The following CPXM2 variants were observed in gnomAD, a reference collection of about 807,000 sequenced individuals.
CPXM2 encodes inactive carboxypeptidase-like protein X2.
A neutral mutation model predicts 86.1 loss-of-function variants in CPXM2; 66 were observed. The ratio of observed to expected loss-of-function variants is 0.77; its 90% confidence interval spans 0.63 to 0.94. CPXM2 has a LOEUF of 0.94. CPXM2 is among the 40% of genes least tolerant of loss of function. The probability of loss-of-function intolerance (pLI) is 0.00; values close to 1 mark genes in which losing one functional copy is unlikely to be tolerated. For synonymous variants in CPXM2, 388 were observed against 400.2 expected (o/e 0.97, Z 0.36); for missense variants, 948 against 1,026.3 (o/e 0.92, Z 1.04).
At chr10:123,852,706 G>T (rs1024179789) in intron 3 of CPXM2, among the ~76,000 whole-genome samples, 7 of 152,056 alleles carry the variant, frequency 4.6e-5, no homozygotes, top group Admixed American at 6.5e-5. Flanking sequence ...ACCTCCTGCT[G>T]CCCCTTGGCT....
intron 2 of CPXM2, among the ~76,000 whole-genome samples, chr10:123,901,165 G>A (rs964626518): frequency 1.3e-5 from 2 of 152,164 alleles, no homozygotes; most frequent in African/African-American, 2.4e-5. Context: ...GCAATTACCT[G>A]AGATCATAAT....
At chr10:123,788,115 T>C (rs374474984) in intron 6 of CPXM2, among the ~76,000 whole-genome samples, 1 of 151,438 alleles carries the variant, frequency 6.6e-6, no homozygotes, top group Non-Finnish European at 1.5e-5. Context: ...TCCCGGTCTC[T>C]ACTAAAAATA....
At chr10:123,759,300 C>G (rs1846281939) in intron 11 of CPXM2, among the ~76,000 whole-genome samples, 1 of 152,174 alleles carries the variant, frequency 6.6e-6, no homozygotes, top group South Asian at 2.1e-4. Flanking sequence ...GAACACCTGT[C>G]TACAGAGAAA....
chr10:123,808,990 T>C (rs1847636357), intron 4 of CPXM2, among the ~76,000 whole-genome samples: 2 of 144,098 alleles, frequency 1.4e-5, no homozygotes, highest in Non-Finnish European at 1.5e-5. Flanking sequence ...AAACGAACAA[T>C]TCACAAGTTT....
intron 10 of CPXM2, among the ~76,000 whole-genome samples, 189 bp from the exon 11 acceptor site, chr10:123,762,358 C>A (rs1846367153): frequency 6.6e-6 from 1 of 152,260 alleles, no homozygotes; most frequent in African/African-American, 2.4e-5. Context: ...TCAAAACGAA[C>A]AGGCTTTGTT....
chr10:123,920,939 C>G (rs7083857), intron 2 of CPXM2, among the ~76,000 whole-genome samples: 12,758 of 152,188 alleles, frequency 0.084, 623 homozygotes, highest in Admixed American at 0.1. Context: ...TGCTGGTGCC[C>G]TATTCTTGGA....
intron 2 of CPXM2, among the ~76,000 whole-genome samples, chr10:123,922,981 C>A (rs541343256): frequency 6.6e-6 from 1 of 152,132 alleles, no homozygotes; most frequent in South Asian, 2.1e-4. Context: ...AGCTTGAGGC[C>A]GTCCCATGCA....
chr10:123,884,714 A>ATC (rs147600222), intron 1 of CPXM2, among the ~76,000 whole-genome samples: 5,988 of 151,818 alleles, frequency 0.039, 172 homozygotes, highest in East Asian at 0.12. Context: ...CCCATGGCCC[A>ATC]TCTCTCTCTC....
At chr10:123,879,110 A>G (rs575005914) in intron 2 of CPXM2, among the ~76,000 whole-genome samples, 2 of 152,320 alleles carry the variant, frequency 1.3e-5, no homozygotes, top group East Asian at 1.9e-4. Context: ...TGACCACAGA[A>G]GGTCACTGTT....
At chr10:123,829,785 A>G (rs574083434) in intron 4 of CPXM2, among the ~76,000 whole-genome samples, 1 of 152,326 alleles carries the variant, frequency 6.6e-6, no homozygotes, top group African/African-American at 2.4e-5. Context: ...TATAATAACC[A>G]CAGCCATGTA....
intron 6 of CPXM2, among the ~76,000 whole-genome samples, chr10:123,794,928 C>G (rs960109052): frequency 6.6e-6 from 1 of 152,086 alleles, no homozygotes; most frequent in Non-Finnish European, 1.5e-5. Context: ...CGCCACCATG[C>G]CTGGATAATT....
chr10:123,889,496 C>T (rs1226799830), intron 1 of CPXM2, among the ~76,000 whole-genome samples: 3 of 152,128 alleles, frequency 2.0e-5, no homozygotes, highest in South Asian at 2.1e-4. Flanking sequence ...GGAAGAGGAA[C>T]GTCTTGCTCT....
chr10:123,899,460 G>C lies in CPXM2; in HGVS notation n.175-19151C>G, dbSNP rs545372936. Among the ~76,000 whole-genome samples the C allele has an allele frequency of 1.4e-3, 210 of 152,364 alleles. 1 individual carries two copies. Among genetic ancestry groups the C allele is most frequent in the African/African-American group, 4.7e-3 (195 of 41,590 alleles). ...AAGCAGTTCATAATATACAGCATCT[G>C]TTTAAAGATGTCCTGAACAATGGAA... On this transcript the variant is annotated intron_variant and non_coding_transcript_variant, in intron 2 of 19. Coordinates refer to the CPXM2 transcript ENST00000368854.
At position 123,754,833 on chromosome 10, in the gene CPXM2, G is replaced by T; in HGVS notation, c.1918-71C>A. ...TGGACACAACCGGCACAACAGAGTG[G>T]GCTGTCAACCCACCATTGGCCGGTT... On this transcript the variant is annotated intron_variant, in intron 12 of 13. Coordinates refer to ENST00000241305, the MANE Select transcript of CPXM2 (RefSeq NM_198148.3). The surrounding 1 kb of genome is among the most constrained non-coding windows in gnomAD (Gnocchi z 4.0). 1.2e-6 allele frequency: 1 copy of T among 856,480 alleles called. No individual in the cohort carries two copies. The highest frequency in any genetic ancestry group is 2.0e-6 in the Non-Finnish European group (1 of 495,850). The allele number at this position is 856,480 out of a possible 1,614,324, so 53.1% of individuals were successfully genotyped here. A position where few individuals can be genotyped will look rare whatever the true frequency, so the allele number is the denominator to read the frequency against.
At chr10:123,838,771 T>C (rs1848325648) in intron 4 of CPXM2, among the ~76,000 whole-genome samples, 2 of 152,186 alleles carry the variant, frequency 1.3e-5, no homozygotes, top group Non-Finnish European at 2.9e-5. Context: ...CACTTCTGCC[T>C]GCGACCCTGC....
chr10:123,873,386 T>C (rs1451699018), intron 2 of CPXM2, among the ~76,000 whole-genome samples: 1 of 152,236 alleles, frequency 6.6e-6, no homozygotes, highest in East Asian at 1.9e-4. Flanking sequence ...AGTGGAGAGA[T>C]ATACCATGTT....
intron 2 of CPXM2, among the ~76,000 whole-genome samples, chr10:123,933,704 C>T (rs569864245): frequency 1.6e-4 from 24 of 151,532 alleles, no homozygotes; most frequent in Non-Finnish European, 2.4e-4. Context: ...GGCAACAGAG[C>T]GAGACCATGT....
At chr10:123,914,478 T>C (rs535706489) in intron 2 of CPXM2, among the ~76,000 whole-genome samples, 110 of 152,292 alleles carry the variant, frequency 7.2e-4, no homozygotes, top group African/African-American at 2.5e-3. Flanking sequence ...TCCAGGTCTG[T>C]GTGACTGACA....
Position 123,746,603 on chromosome 10 carries a change from C to T in CPXM2, c.*161G>A, listed in dbSNP as rs1845975218. The T allele has an allele frequency of 1.5e-6, 1 of 675,946 alleles. No homozygotes were observed. Among genetic ancestry groups the T allele is most frequent in the South Asian group, 1.9e-5 (1 of 52,764 alleles). 41.9% of individuals were successfully genotyped at this position (675,946 alleles called of 1,614,324 possible). ...AACAAAGAAAAGAAAACAGCCTCAG[C>T]CTCCAGCCTTCCCTTTTGGGACCTG... On this transcript the variant is annotated 3_prime_UTR_variant, in exon 14 of 14. Coordinates refer to ENST00000241305, the MANE Select transcript of CPXM2 (RefSeq NM_198148.3).
Sources: gnomAD v4.1 joint callset for allele counts (sites outside exome capture counted in the v4.1 genomes callset) on GRCh38, gnomAD v4.1.1 for gene constraint, Gnocchi (gnomAD v3.1) non-coding constraint, MANE v1.5 for transcripts, NCBI Gene and HGNC (gene_info 2026-07-23, HGNC 2026-07-21) for gene names.